The following CYP7B1 variants were observed in gnomAD, a reference collection of about 807,000 sequenced individuals.
CYP7B1 encodes the protein cytochrome P450 family 7 subfamily B member 1.
CYP7B1 carries 29 observed loss-of-function variants against 42.7 expected under a neutral mutation model. That is an observed-to-expected ratio of 0.68 (90% CI 0.51 to 0.93). CYP7B1 has a LOEUF of 0.93. Ranked by LOEUF, CYP7B1 falls within the 40% of genes least tolerant of loss-of-function variation. CYP7B1 has a pLI of 0.00. For synonymous variants in CYP7B1, 235 were observed against 218.2 expected (o/e 1.08, Z -0.68); for missense variants, 655 against 600.5 (o/e 1.09, Z -0.95).
chr8:64,692,303 C>A (rs1806758724), intron 1 of CYP7B1, among the ~76,000 whole-genome samples: 1 of 152,224 alleles, frequency 6.6e-6, no homozygotes, highest in African/African-American at 2.4e-5. Context: ...TTATCACTTA[C>A]TCATGTCTTT....
chr8:64,667,205 G>A (rs1806294064), intron 1 of CYP7B1, among the ~76,000 whole-genome samples: 1 of 152,190 alleles, frequency 6.6e-6, no homozygotes, highest in African/African-American at 2.4e-5. Flanking sequence ...TATGTACTAA[G>A]TTGTACTTCT....
intron 1 of CYP7B1, among the ~76,000 whole-genome samples, chr8:64,767,346 G>GA (rs1294663661): frequency 6.6e-6 from 1 of 152,114 alleles, no homozygotes; most frequent in Non-Finnish European, 1.5e-5. Context: ...AAATAGAAGG[G>GA]AACTGCCAAG....
chr8:64,685,190 G>C (rs2129632048), intron 1 of CYP7B1, among the ~76,000 whole-genome samples: 1 of 152,040 alleles, frequency 6.6e-6, no homozygotes, highest in Non-Finnish European at 1.5e-5. Context: ...GCAGCGGCTG[G>C]AGGAGCGGAC....
At chr8:64,743,635 G>C (rs145813514) in intron 1 of CYP7B1, among the ~76,000 whole-genome samples, 14 of 152,158 alleles carry the variant, frequency 9.2e-5, no homozygotes, top group Admixed American at 8.5e-4. Context: ...TTGTGCTTCT[G>C]TGTGTACCTC....
chr8:64,695,776 C>G (rs1683819691), intron 1 of CYP7B1, among the ~76,000 whole-genome samples: 1 of 151,860 alleles, frequency 6.6e-6, no homozygotes, highest in South Asian at 2.1e-4. Flanking sequence ...CCTGACAATG[C>G]AGACTCCCTC....
chr8:64,593,233 GTGTGTGTGTGT>G lies in CYP7B1; in HGVS notation c.*3398_*3408del, dbSNP rs1412748016. Among the ~76,000 whole-genome samples the G allele has an allele frequency of 9.8e-5, 4 of 40,930 alleles. No homozygotes were observed. The East Asian group carries it at 8.9e-3, about 91-fold the overall frequency. The allele number at this position is 40,930 out of a possible 152,430, so 26.9% of individuals were successfully genotyped here. ...GGTGGACTAAAGGCTAGGGCCCAGGGTGTGTGTGTGTGTGTGTGTGTGTGTGTGTGTGTGTG... is the reference window on the plus strand; with the variant it reads ...GGTGGACTAAAGGCTAGGGCCCAGGGGTGTGTGTGTGTGTGTGTGTGTGTG... On this transcript the variant is annotated 3_prime_UTR_variant, in exon 6 of 6. Coordinates refer to ENST00000310193, the MANE Select transcript of CYP7B1 (RefSeq NM_004820.5).
chr8:64,652,917 T>A (rs996546374), intron 1 of CYP7B1, among the ~76,000 whole-genome samples: 7 of 152,052 alleles, frequency 4.6e-5, no homozygotes, highest in African/African-American at 1.7e-4. Context: ...AATAATTAAA[T>A]CAAGTCAGAC....
chr8:64,752,609 G>T (rs928610043), intron 1 of CYP7B1, among the ~76,000 whole-genome samples: 1 of 152,148 alleles, frequency 6.6e-6, no homozygotes, highest in Non-Finnish European at 1.5e-5. Flanking sequence ...CTCAAGGAGA[G>T]AATATATTTT....
intron 5 of CYP7B1, among the ~76,000 whole-genome samples, chr8:64,600,931 C>T (rs547106008): frequency 1.3e-5 from 2 of 152,050 alleles, no homozygotes; most frequent in Non-Finnish European, 2.9e-5. Flanking sequence ...GGGGAAGGGA[C>T]CTTTTTATTT....
At chr8:64,705,517 C>CAA (rs199664304) in intron 1 of CYP7B1, among the ~76,000 whole-genome samples, 14 of 135,208 alleles carry the variant, frequency 1.0e-4, no homozygotes, top group Admixed American at 5.2e-4. Flanking sequence ...AAGTCCATGC[C>CAA]AAAAAAAAAA....
rs1805044181 is a variant in CYP7B1, at chr8:64,592,052, G to A, written c.*4590C>T. 1.3e-5 allele frequency among the ~76,000 whole-genome samples: 2 copies of A among 151,988 alleles called. No individual in the cohort carries two copies. Among genetic ancestry groups the A allele is most frequent in the Admixed American group, 1.3e-4 (2 of 15,258 alleles). ...AAAATACAAAAGTTGGTCAGGCATA[G>A]TGGTGGGTGCCTGTAGTCCCAGCTA... On this transcript the variant is annotated 3_prime_UTR_variant, in exon 6 of 6. Coordinates refer to ENST00000310193, the MANE Select transcript of CYP7B1 (RefSeq NM_004820.5).
intron 1 of CYP7B1, among the ~76,000 whole-genome samples, chr8:64,655,102 T>C (rs1194190842): frequency 1.3e-5 from 2 of 152,094 alleles, no homozygotes; most frequent in African/African-American, 2.4e-5. Context: ...ATCCTGGACA[T>C]AGGAATGGGC....
intron 4 of CYP7B1, among the ~76,000 whole-genome samples, chr8:64,607,517 C>T (rs1211815442): frequency 1.3e-5 from 2 of 152,148 alleles, no homozygotes; most frequent in Non-Finnish European, 1.5e-5. Context: ...TGAATAAATG[C>T]GTACTAATGA....
chr8:64,763,595 A>T (rs1389071388), intron 1 of CYP7B1, among the ~76,000 whole-genome samples: 1 of 152,216 alleles, frequency 6.6e-6, no homozygotes, highest in Non-Finnish European at 1.5e-5. Flanking sequence ...AACAATTAGC[A>T]CGGCTGCCGG....
chr8:64,731,554 G>A (rs1176334595), intron 1 of CYP7B1, among the ~76,000 whole-genome samples: 2 of 152,144 alleles, frequency 1.3e-5, no homozygotes, highest in African/African-American at 2.4e-5. Context: ...GCCTAATGAT[G>A]AGATATAAAA....
At chr8:64,771,737 C>T (rs1487548244) in intron 1 of CYP7B1, among the ~76,000 whole-genome samples, 1 of 152,224 alleles carries the variant, frequency 6.6e-6, no homozygotes, top group African/African-American at 2.4e-5. Context: ...CTGGCTCTCT[C>T]TCTCAACTGC....
intron 1 of CYP7B1, among the ~76,000 whole-genome samples, chr8:64,726,234 A>G (rs943948438): frequency 2.0e-5 from 3 of 152,200 alleles, no homozygotes; most frequent in African/African-American, 7.2e-5. Flanking sequence ...CTTTTTATTA[A>G]CAAAGTTGTT....
chr8:64,685,014 C>T (rs1284948613), intron 1 of CYP7B1, among the ~76,000 whole-genome samples: 2 of 152,180 alleles, frequency 1.3e-5, no homozygotes, highest in African/African-American at 4.8e-5. Context: ...AACAGTCTGC[C>T]AGATCCTCAA....
chr8:64,792,143 A>C (rs948699856), intron 1 of CYP7B1, among the ~76,000 whole-genome samples: 2 of 152,192 alleles, frequency 1.3e-5, no homozygotes, highest in African/African-American at 4.8e-5. Context: ...TGTGTCCTAG[A>C]GTTATGTGGA....
Sources: gnomAD v4.1 joint callset for allele counts (sites outside exome capture counted in the v4.1 genomes callset) on GRCh38, gnomAD v4.1.1 for gene constraint, MANE v1.5 for transcripts, NCBI Gene and HGNC (gene_info 2026-07-23, HGNC 2026-07-21) for gene names.